Variants in OR14A2 observed in about 807,000 individuals in gnomAD.
OR14A2 encodes olfactory receptor 14A2.
For missense variants in OR14A2, 237 were observed against 152.9 expected (o/e 1.55, Z -2.90); for synonymous variants, 114 against 58.6 (o/e 1.95, Z -4.32).
chr1:247,733,527 CT>C, the OR14A2 span, among the ~76,000 whole-genome samples: 12 of 152,286 alleles, frequency 7.9e-5, no homozygotes, highest in South Asian at 2.3e-3. Context: ...ACTCCCTGTC[CT>C]TTCTAGCCTT....
chr1:247,729,765 TG>T, the OR14A2 span, among the ~76,000 whole-genome samples: 1 of 152,192 alleles, frequency 6.6e-6, no homozygotes, highest in African/African-American at 2.4e-5. Flanking sequence ...CTCAATGAAA[TG>T]TCACTCTCTA....
At chr1:247,729,819 C>T in the OR14A2 span, among the ~76,000 whole-genome samples, 1 of 151,978 alleles carries the variant, frequency 6.6e-6, no homozygotes, top group Admixed American at 6.6e-5. Context: ...AAAGCAATTT[C>T]AGGGTTTACT....
chr1:247,727,292 G>A (rs1305226684), upstream of OR14A2, among the ~76,000 whole-genome samples: 1 of 147,824 alleles, frequency 6.8e-6, no homozygotes, highest in Non-Finnish European at 1.5e-5. Flanking sequence ...TCTCTTTGAA[G>A]CAATTGTGAA....
the OR14A2 span, among the ~76,000 whole-genome samples, chr1:247,731,293 T>C: frequency 8.5e-5 from 13 of 152,216 alleles, no homozygotes; most frequent in African/African-American, 3.1e-4. Context: ...GAGGATGTTT[T>C]TCTGTTCTCT....
chr1:247,729,620 T>C, the OR14A2 span, among the ~76,000 whole-genome samples: 2 of 152,120 alleles, frequency 1.3e-5, no homozygotes, highest in African/African-American at 4.8e-5. Context: ...CGAAGCATAG[T>C]TATTTCATTT....
the OR14A2 span, among the ~76,000 whole-genome samples, chr1:247,741,588 T>G: frequency 6.6e-6 from 1 of 152,028 alleles, no homozygotes; most frequent in African/African-American, 2.4e-5. Context: ...ACAGAGTGAG[T>G]GATAAATCAC....
At chr1:247,734,981 CT>C in the OR14A2 span, among the ~76,000 whole-genome samples, 2 of 152,140 alleles carry the variant, frequency 1.3e-5, no homozygotes, top group Non-Finnish European at 2.9e-5. Flanking sequence ...TAAACTGTAC[CT>C]CATCCCAACC....
chr1:247,742,433 A>T, the OR14A2 span, among the ~76,000 whole-genome samples: 1 of 151,618 alleles, frequency 6.6e-6, no homozygotes, highest in East Asian at 1.9e-4. Context: ...CTGACATCAC[A>T]AGATTGAAAT....
chr1:247,747,518 C>G, the OR14A2 span, among the ~76,000 whole-genome samples: 1 of 151,986 alleles, frequency 6.6e-6, no homozygotes, highest in East Asian at 1.9e-4. Flanking sequence ...CTCGCCACCA[C>G]GCCCGGCTAA....
At chr1:247,741,465 T>C in the OR14A2 span, among the ~76,000 whole-genome samples, 4 of 152,316 alleles carry the variant, frequency 2.6e-5, no homozygotes, top group South Asian at 2.1e-4. Flanking sequence ...AATGAACTTA[T>C]CAACTTTGAG....
chr1:247,741,414 A>C, the OR14A2 span, among the ~76,000 whole-genome samples: 1,668 of 152,292 alleles, frequency 0.011, 26 homozygotes, highest in Non-Finnish European at 0.017. Flanking sequence ...TGCACCATAA[A>C]TTTAGTTATG....
chr1:247,723,623 AC>A lies in OR14A2; in HGVS notation c.420del (p.Leu141Ter). 2.8e-6 allele frequency: 2 copies of A among 718,450 alleles called. No homozygotes were observed. Among genetic ancestry groups the A allele is most frequent in the Non-Finnish European group, 5.2e-6 (2 of 385,042 alleles). The allele number at this position is 718,450 out of a possible 1,614,324, so 44.5% of individuals were successfully genotyped here. Reference sequence around the variant, plus strand: ...ATGGCCCAGGAAACACTTGCCATTAACACACAGACTCCAGTATTCATGATTA... The same window carrying A: ...ATGGCCCAGGAAACACTTGCCATTAAACACAGACTCCAGTATTCATGATTA... On this transcript the variant is annotated frameshift_variant, in exon 1 of 1. Transcript: ENST00000366485. LOFTEE classifies it low-confidence loss of function (END_TRUNC).
the OR14A2 span, chr1:247,739,264 T>C: frequency 9.0e-6 from 7 of 780,898 alleles, no homozygotes; most frequent in Non-Finnish European, 1.7e-5. Context: ...GTTTCCTATG[T>C]GTACATTTTC....
chr1:247,731,159 C>T, the OR14A2 span, among the ~76,000 whole-genome samples: 1 of 151,844 alleles, frequency 6.6e-6, no homozygotes, highest in South Asian at 2.1e-4. Flanking sequence ...TCAACAAATT[C>T]CTCTTAGGCT....
chr1:247,723,588 G>C (rs1012842323), exon 1 of OR14A2: 1 of 718,234 alleles, frequency 1.4e-6, no homozygotes, highest in African/African-American at 1.7e-5. Flanking sequence ...CAGTACCAAA[G>C]AGCCCTCCAA....
exon 1 of OR14A2, chr1:247,723,793 A>G (rs1240971163): frequency 1.4e-6 from 1 of 718,218 alleles, no homozygotes; most frequent in Admixed American, 2.0e-5. Context: ...GTTGTGGGTT[A>G]GGTTGTTGAC....
the OR14A2 span, among the ~76,000 whole-genome samples, chr1:247,733,933 G>A: frequency 2.0e-5 from 3 of 152,126 alleles, no homozygotes; most frequent in Non-Finnish European, 2.9e-5. Flanking sequence ...AGCTACCAGA[G>A]CTACTATGCT....
the OR14A2 span, among the ~76,000 whole-genome samples, chr1:247,730,916 C>G: frequency 6.6e-6 from 1 of 152,020 alleles, no homozygotes. Context: ...TCTACTATTT[C>G]AAATGCTAAT....
At chr1:247,747,553 G>A in the OR14A2 span, among the ~76,000 whole-genome samples, 1 of 151,944 alleles carries the variant, frequency 6.6e-6, no homozygotes, top group East Asian at 1.9e-4. Context: ...TGGTAGAGAG[G>A]GGGTTTCGCC....
Sources: gnomAD v4.1 joint callset for allele counts (sites outside exome capture counted in the v4.1 genomes callset) on GRCh38, gnomAD v4.1.1 for gene constraint, MANE v1.5 for transcripts, NCBI Gene and HGNC (gene_info 2026-07-23, HGNC 2026-07-21) for gene names.